GULP1: variants seen among roughly 807,000 people sequenced by gnomAD.
GULP1 encodes the protein GULP PTB domain containing engulfment adaptor 1.
In GULP1, 19 loss-of-function variants were observed where a neutral mutation model predicts 40.9. That is an observed-to-expected ratio of 0.46 (90% CI 0.32 to 0.68). GULP1 has a LOEUF of 0.68. GULP1 is among the 30% of genes least tolerant of loss of function. The pLI is 0.03. For missense variants in GULP1, 312 were observed against 362.2 expected (o/e 0.86, Z 1.12); for synonymous variants, 119 against 117.6 (o/e 1.01, Z -0.08).
chr2:188,417,209 G>T (rs2054700524), intron 2 of GULP1, among the ~76,000 whole-genome samples: 1 of 152,122 alleles, frequency 6.6e-6, no homozygotes, highest in Admixed American at 6.6e-5. Flanking sequence ...TCTCTCTTAG[G>T]ACATGATGTG....
intron 9 of GULP1, among the ~76,000 whole-genome samples, chr2:188,575,298 A>G (rs1158264410): frequency 6.6e-6 from 1 of 152,132 alleles, no homozygotes; most frequent in Non-Finnish European, 1.5e-5. Flanking sequence ...GTGATCTGCT[A>G]TGGAATATTA....
intron 4 of GULP1, among the ~76,000 whole-genome samples, chr2:188,516,349 A>G (rs1315875009): frequency 6.6e-6 from 1 of 151,930 alleles, no homozygotes; most frequent in Non-Finnish European, 1.5e-5. Context: ...GTCTGATGTC[A>G]TTCATATTTC....
At chr2:188,568,143 A>G (rs921204758) in intron 7 of GULP1, among the ~76,000 whole-genome samples, 3 of 152,156 alleles carry the variant, frequency 2.0e-5, no homozygotes, top group African/African-American at 4.8e-5. Context: ...ATAATGAACT[A>G]TAAAAATTCT....
At chr2:188,342,074 CAA>C (rs1044140218) in intron 1 of GULP1, among the ~76,000 whole-genome samples, 2 of 152,188 alleles carry the variant, frequency 1.3e-5, no homozygotes, top group South Asian at 2.1e-4. Flanking sequence ...AGAACATAAA[CAA>C]AAATATATCA....
intron 1 of GULP1, among the ~76,000 whole-genome samples, chr2:188,336,760 A>G (rs2042306466): frequency 1.3e-5 from 2 of 152,182 alleles, no homozygotes; most frequent in African/African-American, 4.8e-5. Context: ...AGAAATTCTA[A>G]GGCTATAAAA....
At chr2:188,532,905 T>C (rs1037188904) in intron 6 of GULP1, among the ~76,000 whole-genome samples, 4 of 150,350 alleles carry the variant, frequency 2.7e-5, no homozygotes, top group Middle Eastern at 3.4e-3. Flanking sequence ...CAGGTGACAG[T>C]GTGAGACTGT....
chr2:188,326,311 TG>T (rs1300469562), intron 1 of GULP1, among the ~76,000 whole-genome samples: 1 of 152,182 alleles, frequency 6.6e-6, no homozygotes, highest in Non-Finnish European at 1.5e-5. Flanking sequence ...CATCTACTAT[TG>T]AATATTTGAT....
At chr2:188,413,711 C>T (rs2054208518) in intron 2 of GULP1, among the ~76,000 whole-genome samples, 1 of 152,052 alleles carries the variant, frequency 6.6e-6, no homozygotes, top group Non-Finnish European at 1.5e-5. Flanking sequence ...ATAATGTCAG[C>T]CACAATATAA....
chr2:188,346,573 A>C (rs576784360), intron 1 of GULP1, among the ~76,000 whole-genome samples: 312 of 151,396 alleles, frequency 2.1e-3, no homozygotes, highest in Middle Eastern at 3.4e-3. Flanking sequence ...GGTCACTACA[A>C]GCTCCGCCTC....
Position 188,570,078 on chromosome 2 carries a change from T to C in GULP1, c.567T>C (p.Asp189=). ...ENMELKNKVQ[D]LENQLRITQV... is the part of the protein sequence containing the mutation. ...TGGAACTTAAAAATAAAGTACAAGATTTGGAAAACCAACTGAGAATAACTC... is the reference window on the plus strand; with the variant it reads ...TGGAACTTAAAAATAAAGTACAAGACTTGGAAAACCAACTGAGAATAACTC... Residue 189 remains aspartate, a synonymous_variant, in exon 9 of 12, where the codon GAT becomes GAC. Transcript: ENST00000409830. The C allele has an allele frequency of 6.8e-7, 1 of 1,476,690 alleles. No homozygotes were observed. Among genetic ancestry groups the C allele is most frequent in the Non-Finnish European group, 9.4e-7 (1 of 1,067,596 alleles). The allele number at this position is 1,476,690 out of a possible 1,614,324, so 91.5% of individuals were successfully genotyped here.
intron 7 of GULP1, among the ~76,000 whole-genome samples, chr2:188,553,808 T>C (rs1429257992): frequency 2.0e-5 from 3 of 152,060 alleles, no homozygotes; most frequent in Non-Finnish European, 4.4e-5. Flanking sequence ...AGACAGTTTT[T>C]ATTACTGATT....
At chr2:188,523,741 A>G (rs1042187628) in intron 5 of GULP1, among the ~76,000 whole-genome samples, 1 of 152,184 alleles carries the variant, frequency 6.6e-6, no homozygotes, top group African/African-American at 2.4e-5. Context: ...TGAGAATATC[A>G]TATCTGGTGG....
intron 1 of GULP1, among the ~76,000 whole-genome samples, chr2:188,376,646 C>G (rs1046471749): frequency 5.3e-5 from 8 of 152,150 alleles, no homozygotes; most frequent in Non-Finnish European, 7.4e-5. Flanking sequence ...ACTTATACTT[C>G]ACTTGCAGTT....
intron 4 of GULP1, among the ~76,000 whole-genome samples, chr2:188,503,636 T>G (rs1359575329): frequency 6.6e-6 from 1 of 151,856 alleles, no homozygotes; most frequent in Non-Finnish European, 1.5e-5. Flanking sequence ...CCCAAGTCAA[T>G]TCTTCCAATG....
chr2:188,438,208 T>C (rs1266379339), intron 2 of GULP1, among the ~76,000 whole-genome samples: 21 of 152,044 alleles, frequency 1.4e-4, no homozygotes, highest in Non-Finnish European at 2.9e-4. Context: ...ACAAACAGAA[T>C]TAAAAAGCAG....
chr2:188,447,030 C>T (rs543030760), intron 2 of GULP1, among the ~76,000 whole-genome samples: 7 of 152,040 alleles, frequency 4.6e-5, no homozygotes, highest in Admixed American at 2.6e-4. Flanking sequence ...TAGGGAGACA[C>T]GAGACATCAA....
chr2:188,500,954 T>G (rs547781712), intron 4 of GULP1, among the ~76,000 whole-genome samples: 2 of 152,050 alleles, frequency 1.3e-5, no homozygotes, highest in South Asian at 2.1e-4. Flanking sequence ...CTGCTAGCAC[T>G]GTTAACTGCT....
chr2:188,387,039 C>A (rs2049867800), intron 2 of GULP1, among the ~76,000 whole-genome samples: 1 of 151,958 alleles, frequency 6.6e-6, no homozygotes, highest in Non-Finnish European at 1.5e-5. Flanking sequence ...AGGTCAAGAC[C>A]AGCCTGGCCA....
intron 1 of GULP1, among the ~76,000 whole-genome samples, chr2:188,344,089 T>C (rs997702518): frequency 4.6e-5 from 7 of 152,208 alleles, no homozygotes; most frequent in Admixed American, 6.5e-5. Context: ...ATTACAGGCA[T>C]GAGCCACCAC....
Sources: allele counts gnomAD v4.1 joint callset (sites outside exome capture counted in the v4.1 genomes callset), GRCh38; gene constraint gnomAD v4.1.1; transcripts MANE v1.5; gene names NCBI Gene and HGNC (gene_info 2026-07-23, HGNC 2026-07-21).